Variants in MAP4K3 observed in about 807,000 individuals in gnomAD.
MAP4K3 encodes mitogen-activated protein kinase kinase kinase kinase 3, also known as MAPK/ERK kinase kinase kinase 3.
In MAP4K3, 94 loss-of-function variants were observed where a neutral mutation model predicts 143.5. That is an observed-to-expected ratio of 0.65 (90% CI 0.55 to 0.78). The LOEUF (loss-of-function observed/expected upper bound fraction) is 0.78. Among genes scored for constraint, MAP4K3 ranks in the 30% least tolerant of loss-of-function variants. The pLI, the probability that MAP4K3 is intolerant of heterozygous loss-of-function variation, is 0.00. For synonymous variants in MAP4K3, 416 were observed against 347.2 expected (o/e 1.20, Z -2.20); for missense variants, 1,077 against 1,068.1 (o/e 1.01, Z -0.12).
chr2:39,425,038 T>C (rs1421422012), intron 1 of MAP4K3, among the ~76,000 whole-genome samples: 1 of 151,790 alleles, frequency 6.6e-6, no homozygotes, highest in Non-Finnish European at 1.5e-5. Context: ...CCAAAAAGAC[T>C]CATGAGGTTA....
intron 1 of MAP4K3, among the ~76,000 whole-genome samples, chr2:39,414,395 G>C (rs1391588185): frequency 6.6e-6 from 1 of 152,204 alleles, no homozygotes; most frequent in East Asian, 1.9e-4. Flanking sequence ...TAAGAGGCTA[G>C]TAGCAATTCC....
chr2:39,327,631 C>T (rs186737493), intron 8 of MAP4K3, among the ~76,000 whole-genome samples: 3 of 152,046 alleles, frequency 2.0e-5, no homozygotes, highest in African/African-American at 7.2e-5. Context: ...TCAGTAAAGT[C>T]AAAAACAAAA....
chr2:39,313,525 C>T (rs1683013389), intron 13 of MAP4K3, among the ~76,000 whole-genome samples: 1 of 151,506 alleles, frequency 6.6e-6, no homozygotes, highest in African/African-American at 2.4e-5. Flanking sequence ...TTCTCTCTCT[C>T]TCTTTCTTTC....
At chr2:39,265,170 G>A (rs776924023) in intron 28 of MAP4K3, 33 bp downstream of exon 28, 2 of 1,335,384 alleles carry the variant, frequency 1.5e-6, no homozygotes, top group Admixed American at 1.9e-5. Flanking sequence ...AGCTTTTATA[G>A]TAAGAATAAG....
intron 1 of MAP4K3, among the ~76,000 whole-genome samples, chr2:39,433,235 T>A (rs1052925045): frequency 1.3e-5 from 2 of 152,152 alleles, no homozygotes; most frequent in African/African-American, 4.8e-5. Context: ...GTGTATCCAG[T>A]CTTGGATACA....
At chr2:39,334,775 G>A (rs950615817) in intron 6 of MAP4K3, among the ~76,000 whole-genome samples, 1 of 152,108 alleles carries the variant, frequency 6.6e-6, no homozygotes, top group African/African-American at 2.4e-5. Context: ...TTACAATAAT[G>A]AGTAAGTTCC....
chr2:39,313,076 C>T (rs1168006267), intron 13 of MAP4K3, among the ~76,000 whole-genome samples: 1 of 152,236 alleles, frequency 6.6e-6, no homozygotes, highest in Admixed American at 6.5e-5. Flanking sequence ...AAACCTTACA[C>T]TGGTATCACT....
At chr2:39,333,423 C>A in intron 7 of MAP4K3, 109 bp downstream of exon 7, 1 of 772,440 alleles carries the variant, frequency 1.3e-6, no homozygotes, top group South Asian at 1.7e-5. Context: ...TCTAAAAATA[C>A]ACAGATGCCG....
At chr2:39,257,170 T>C (rs2148435277) in intron 31 of MAP4K3, among the ~76,000 whole-genome samples, 1 of 152,354 alleles carries the variant, frequency 6.6e-6, no homozygotes, top group African/African-American at 2.4e-5. Flanking sequence ...ATATCTTTAC[T>C]GATAAGGAAC....
rs1199487668 is a variant in MAP4K3 at position 39,258,553 on chromosome 2, T to C, written c.2343A>G (p.Gln781=). 6 of 1,613,836 alleles carry C rather than the reference T, an allele frequency of 3.7e-6. No individual in the cohort carries two copies. Among genetic ancestry groups the C allele is most frequent in the South Asian group, 3.3e-5 (3 of 91,076 alleles). The change falls in exon 30 of 34, where the codon CAA becomes CAG. Residue 781 remains glutamine, a synonymous_variant. Transcript: ENST00000263881. ...ATACAAGGATGGTATCTCTCTCCAG[T>C]TGGGTTACATGAGTAACATTTGTCT... ...TPQTNVTHVT[Q]LERDTILVCL...
intron 1 of MAP4K3, among the ~76,000 whole-genome samples, chr2:39,392,249 C>T (rs2148597154): frequency 6.7e-6 from 1 of 148,996 alleles, no homozygotes; most frequent in East Asian, 2.0e-4. Flanking sequence ...TATCACTTCT[C>T]TAACCCGTAT....
rs540159967 is a variant in MAP4K3, at chr2:39,385,791, G to A, written c.97-7668C>T. Among the ~76,000 whole-genome samples, 21 of 151,268 alleles carry A rather than the reference G, an allele frequency of 1.4e-4. No individual in the cohort carries two copies. In the South Asian group the frequency reaches 4.2e-3, roughly 30 times the overall value. Reference sequence around the variant, plus strand: ...ATTACAAGCAACTGCCACCACACCCGGCTAATTTTTTTGTATTTTTAGTAG... The same window carrying A: ...ATTACAAGCAACTGCCACCACACCCAGCTAATTTTTTTGTATTTTTAGTAG... On this transcript the variant is annotated intron_variant, in intron 1 of 33. Transcript: ENST00000263881.
In MAP4K3 at chr2:39,375,131, C is replaced by T. The variant is rs531616084; in HGVS notation, c.154+2935G>A. ...AAAATTAGCTGGGTGTCATGTCATA[C>T]GCCTGCAGTCCTAGCTACTTGGGAG... On this transcript the variant is annotated intron_variant, in intron 2 of 33. Transcript: ENST00000263881. 6.6e-5 allele frequency among the ~76,000 whole-genome samples: 10 copies of T among 152,178 alleles called. No homozygotes were observed. The South Asian group carries it at 8.3e-4, about 13-fold the overall frequency.
chr2:39,430,398 C>G (rs1665247907), intron 1 of MAP4K3, among the ~76,000 whole-genome samples: 1 of 151,746 alleles, frequency 6.6e-6, no homozygotes, highest in African/African-American at 2.4e-5. Flanking sequence ...GGAAACCAAA[C>G]CTATAATCAG....
intron 1 of MAP4K3, among the ~76,000 whole-genome samples, chr2:39,428,437 G>A (rs532193958): frequency 2.6e-5 from 4 of 152,304 alleles, no homozygotes; most frequent in African/African-American, 4.8e-5. Flanking sequence ...ACTTTGGGAG[G>A]CTGAGGCAGG....
At chr2:39,298,469 TTCTC>T (rs550417017) in intron 16 of MAP4K3, among the ~76,000 whole-genome samples, 131 of 152,326 alleles carry the variant, frequency 8.6e-4, no homozygotes, top group Non-Finnish European at 1.6e-3. Flanking sequence ...TTAAAGCCTT[TTCTC>T]TCTGTTAGGA....
intron 32 of MAP4K3, 143 bp from the exon 33 acceptor site, chr2:39,252,028 A>G (rs1680172033): frequency 1.6e-6 from 1 of 630,688 alleles, no homozygotes; most frequent in African/African-American, 1.8e-5. Flanking sequence ...TAAAGTCAGC[A>G]TGTAGATACA....
chr2:39,417,517 C>G lies in MAP4K3; in HGVS notation c.96+19375G>C, dbSNP rs561552491. 4.6e-5 allele frequency among the ~76,000 whole-genome samples: 7 copies of G among 151,772 alleles called. No homozygotes were observed. In the East Asian group the frequency reaches 1.2e-3, roughly 25 times the overall value. ...ACAGGCGTGAGCCACCGCACCCGCC[C>G]GAAAGCCAGGTTTCTTACTACTGGA... On this transcript the variant is annotated intron_variant, in intron 1 of 33. Transcript: ENST00000263881.
At chr2:39,320,036 T>C (rs2148509783) in intron 12 of MAP4K3, among the ~76,000 whole-genome samples, 1 of 152,284 alleles carries the variant, frequency 6.6e-6, no homozygotes, top group East Asian at 1.9e-4. Flanking sequence ...TCTAGCAATG[T>C]CACTTCCTTT....
Sources: gnomAD v4.1 joint callset for allele counts (sites outside exome capture counted in the v4.1 genomes callset) on GRCh38, gnomAD v4.1.1 for gene constraint, MANE v1.5 for transcripts, NCBI Gene and HGNC (gene_info 2026-07-23, HGNC 2026-07-21) for gene names.